ANXA3: variants seen among roughly 807,000 people sequenced by gnomAD.
ANXA3 encodes 35-alpha calcimedin.
ANXA3 carries 46 observed loss-of-function variants against 48.8 expected under a neutral mutation model. The observed-to-expected ratio is 0.94, with a 90% confidence interval of 0.74 to 1.21. The LOEUF is 1.21. ANXA3 is among the 50% of genes most tolerant of loss of function. The pLI, the probability that ANXA3 is intolerant of heterozygous loss-of-function variation, is 0.00. For missense variants in ANXA3, 383 were observed against 378.6 expected, an observed-to-expected ratio of 1.01 and a Z score of -0.10; for synonymous variants, 128 against 134.7, an observed-to-expected ratio of 0.95 and a Z score of 0.35.
chr4:78,573,114 T>TATGCATATTCCTTC, intron 2 of ANXA3, 66 bp from the exon 3 acceptor site: 13 of 1,121,408 alleles, frequency 1.2e-5, no homozygotes, highest in Non-Finnish European at 1.6e-5. Context: ...CATGAAGGAA[T>TATGCATATTCCTTC]ATGCATATGT....
At chr4:78,606,270 G>T (rs1248828098) in intron 12 of ANXA3, among the ~76,000 whole-genome samples, 1 of 152,236 alleles carries the variant, frequency 6.6e-6, no homozygotes, top group Admixed American at 6.5e-5. Context: ...GAGACTTGGG[G>T]CCTAGAAGGT....
chr4:78,574,779 A>G (rs984842726), intron 3 of ANXA3, among the ~76,000 whole-genome samples: 1 of 152,210 alleles, frequency 6.6e-6, no homozygotes, highest in African/African-American at 2.4e-5. Context: ...TAAATTGCCT[A>G]CAATTCTTTT....
At chr4:78,565,933 G>T (rs1306307486) in intron 2 of ANXA3, among the ~76,000 whole-genome samples, 1 of 152,176 alleles carries the variant, frequency 6.6e-6, no homozygotes, top group Non-Finnish European at 1.5e-5. Context: ...CTGAAGTCTG[G>T]GCTAGAGCTA....
chr4:78,607,644 CAT>C lies in ANXA3; in HGVS notation c.913-2410_913-2409del, dbSNP rs149550728. Among the ~76,000 whole-genome samples the C allele has an allele frequency of 9.0e-3, 1,370 of 152,266 alleles. 21 individuals are homozygous for C. Among genetic ancestry groups the C allele is most frequent in the African/African-American group, 0.031 (1,295 of 41,538 alleles). On this transcript the variant is annotated intron_variant, in intron 12 of 12. Transcript: ENST00000264908. ...ATATAGTAGCCACTCACAATCAACT[CAT>C]AATCTATGTGGAGACTTGAGGTAGG...
In ANXA3 at chr4:78,601,558, G is replaced by A. The variant is rs1723542747; in HGVS notation, c.779G>A (p.Arg260Gln). The change falls in exon 11 of 13, where the codon CGA becomes CAA. Residue 260 changes from arginine to glutamine, a missense_variant. Physicochemically the swap from Arg to Gln is conservative, Grantham distance 43. Transcript: ENST00000264908. ...GCCTTTTTAGCCGAAAGACTGCATC[G>A]AGCCTTGAAGGTTGGTCTGGAAAGT... ...TPAFLAERLH[R>Q]ALKGIGTDEF... 7 of 1,613,822 alleles carry A rather than the reference G, an allele frequency of 4.3e-6. No homozygotes were observed. Among genetic ancestry groups the A allele is most frequent in the South Asian group, 3.3e-5 (3 of 91,052 alleles).
At chr4:78,574,936 A>G (rs949130023) in intron 3 of ANXA3, among the ~76,000 whole-genome samples, 2 of 152,238 alleles carry the variant, frequency 1.3e-5, no homozygotes, top group Non-Finnish European at 2.9e-5. Context: ...ATTTTGCCAT[A>G]CTGCTCTCTG....
intron 2 of ANXA3, among the ~76,000 whole-genome samples, chr4:78,566,644 A>G (rs1722738193): frequency 7.2e-6 from 1 of 137,932 alleles, no homozygotes; most frequent in Admixed American, 7.4e-5. Context: ...ACGGAATAAT[A>G]GAGATTGAAC....
rs59598427 is a variant in ANXA3 at position 78,570,778 on chromosome 4, G to A, written c.16-2402G>A. On this transcript the variant is annotated intron_variant, in intron 2 of 12. Transcript: ENST00000264908. ...ATAATTAACATATATAAAGTGCTTAGCATGTAAAGTGTGCTGGGCATGAAG... is the reference window on the plus strand; with the variant it reads ...ATAATTAACATATATAAAGTGCTTAACATGTAAAGTGTGCTGGGCATGAAG... 1.8e-3 allele frequency among the ~76,000 whole-genome samples: 280 copies of A among 152,278 alleles called. 2 individuals carry two copies. The highest frequency in any genetic ancestry group is 6.0e-3 in the African/African-American group (250 of 41,552).
In ANXA3 at chr4:78,573,386, A is replaced by G. The variant is rs1157756094; in HGVS notation, c.103+119A>G. On this transcript the variant is annotated intron_variant, in intron 3 of 12. Coordinates refer to ENST00000264908, the MANE Select transcript of ANXA3 (RefSeq NM_005139.3). The stretch of plus-strand genomic sequence containing the variant: ...TTTAATAAATTGTCAGGAATTTTCT[A>G]AAATTGTGAAATAACGAGGAAATAT... The G allele has an allele frequency of 2.9e-5, 20 of 697,362 alleles. 1 individual carries two copies. The highest frequency in any genetic ancestry group is 8.9e-5 in the South Asian group (5 of 56,422). The allele number at this position is 697,362 out of a possible 1,614,324, so 43.2% of individuals were successfully genotyped here.
At chr4:78,597,548 A>T (rs1018619015) in intron 10 of ANXA3, 134 bp downstream of exon 10, 1 of 601,268 alleles carries the variant, frequency 1.7e-6, no homozygotes, top group Non-Finnish European at 3.0e-6. Flanking sequence ...ATGGTCCAGG[A>T]TACACACAGT....
chr4:78,593,302 A>C (rs2109944047), intron 7 of ANXA3, among the ~76,000 whole-genome samples: 1 of 152,130 alleles, frequency 6.6e-6, no homozygotes, highest in East Asian at 1.9e-4. Flanking sequence ...TCCCAGGTTC[A>C]AGCAATTCTC....
Position 78,586,327 on chromosome 4 carries a change from A to G in ANXA3, c.380A>G (p.Asp127Gly). Residue 127 changes from aspartate (D) to glycine (G), a missense_variant, in exon 6 of 13, where the codon GAT becomes GGT. Asp to Gly is a moderately conservative substitution (Grantham distance 94). Coordinates refer to ENST00000264908, the MANE Select transcript of ANXA3 (RefSeq NM_005139.3). ...LTTRTSRQMK[D>G]ISQAYYTVYK... ...ACCAGGACAAGCAGGCAAATGAAGG[A>G]TATCTCTCAAGCCTATTATACAGGT... 1 of 1,613,444 alleles carries G rather than the reference A, an allele frequency of 6.2e-7. No homozygotes were observed.
At chr4:78,602,423 A>G (rs1265388205) in intron 11 of ANXA3, 1 of 152,090 alleles carries the variant, frequency 6.6e-6, no homozygotes, top group Non-Finnish European at 1.5e-5. Context: ...TGACCACATT[A>G]TTTTCACTGC....
At chr4:78,589,773 A>G (rs1345163644) in intron 6 of ANXA3, among the ~76,000 whole-genome samples, 1 of 152,206 alleles carries the variant, frequency 6.6e-6, no homozygotes, top group African/African-American at 2.4e-5. Context: ...GGAAGTCACT[A>G]TCATGTTGGC....
At chr4:78,601,356 G>A (rs1429024510) in intron 10 of ANXA3, among the ~76,000 whole-genome samples, 154 bp from the exon 11 acceptor site, 1 of 152,214 alleles carries the variant, frequency 6.6e-6, no homozygotes, top group Non-Finnish European at 1.5e-5. Context: ...ATCAGGGTAA[G>A]CAGCCTTTCT....
At chr4:78,586,648 G>A (rs1354676108) in intron 6 of ANXA3, among the ~76,000 whole-genome samples, 3 of 152,196 alleles carry the variant, frequency 2.0e-5, no homozygotes, top group Non-Finnish European at 4.4e-5. Context: ...TGTCATCAAT[G>A]TAAGAGACTC....
Position 78,601,488 on chromosome 4 carries a change from CATT to C in ANXA3, c.731-18_731-16del, listed in dbSNP as rs775029855. On this transcript the variant is annotated intron_variant, in intron 10 of 12. Coordinates refer to ENST00000264908, the MANE Select transcript of ANXA3 (RefSeq NM_005139.3). ...CCAATTTCTATTCCGTGAAGCTGAA[CATT>C]ATTTGCTTTTTGTTACAGTTAATTG... The C allele has an allele frequency of 6.2e-7, 1 of 1,611,568 alleles. No homozygotes were observed. Among genetic ancestry groups the C allele is most frequent in the Non-Finnish European group, 8.5e-7 (1 of 1,177,954 alleles).
In ANXA3 at chr4:78,582,328, G is replaced by T. The variant is rs751004103; in HGVS notation, c.312+38G>T. 1.8e-5 allele frequency: 26 copies of T among 1,412,974 alleles called. No homozygotes were observed. The South Asian group carries it at 2.9e-4, about 16-fold the overall frequency. 87.5% of individuals were successfully genotyped at this position (1,412,974 alleles called of 1,614,324 possible). ...CACAAGCCATTTCTGCCCAGGGTTT[G>T]ACCAAGTCATCAAAAATAGTGACTT... On this transcript the variant is annotated intron_variant, in intron 5 of 12. Transcript: ENST00000264908.
At chr4:78,608,759 G>T (rs1022930196) in intron 12 of ANXA3, among the ~76,000 whole-genome samples, 2 of 152,090 alleles carry the variant, frequency 1.3e-5, no homozygotes, top group Non-Finnish European at 2.9e-5. Context: ...TTGGGGGAGT[G>T]GGGGGAGGTT....
Sources: allele counts gnomAD v4.1 joint callset (sites outside exome capture counted in the v4.1 genomes callset), GRCh38; gene constraint gnomAD v4.1.1; transcripts MANE v1.5; gene names NCBI Gene and HGNC (gene_info 2026-07-23, HGNC 2026-07-21).